The following ENPP1 variants were observed in gnomAD, a reference collection of about 807,000 sequenced individuals.
ENPP1 encodes ectonucleotide pyrophosphatase/phosphodiesterase 1, also known as ectonucleotide pyrophosphatase/phosphodiesterase family member 1.
Under a neutral mutation model 122.8 loss-of-function variants are expected in ENPP1, and 73 were observed. The ratio of observed to expected loss-of-function variants is 0.59; its 90% CI spans 0.49 to 0.72. The LOEUF (loss-of-function observed/expected upper bound fraction) is 0.72. ENPP1 is among the 30% of genes least tolerant of loss of function. ENPP1 has a pLI of 0.00. For missense variants in ENPP1, 978 were observed against 1,128.1 expected, an observed-to-expected ratio of 0.87 and a Z score of 1.91; for synonymous variants, 367 against 391.6, an observed-to-expected ratio of 0.94 and a Z score of 0.74.
rs1442556311 is a variant in ENPP1, at chr6:131,894,789, G to A, written c.*4278G>A. On this transcript the variant is annotated 3_prime_UTR_variant, in exon 25 of 25. Transcript: ENST00000647893. ...CCTGTTGGCTGTTCCTGTTTAAGGAGACAAGATGGGCATGGAACAGGGACC... is the reference window on the plus strand; with the variant it reads ...CCTGTTGGCTGTTCCTGTTTAAGGAAACAAGATGGGCATGGAACAGGGACC... The A allele has an allele frequency of 6.6e-6, 1 of 152,284 alleles. No individual in the cohort carries two copies. The highest frequency in any genetic ancestry group is 1.5e-5 in the Non-Finnish European group (1 of 68,112). 9.4% of individuals were successfully genotyped at this position (152,284 alleles called of 1,614,324 possible).
intron 24 of ENPP1, among the ~76,000 whole-genome samples, chr6:131,887,798 C>G (rs1782404373): frequency 1.3e-5 from 2 of 148,298 alleles, no homozygotes; most frequent in South Asian, 4.2e-4. Context: ...ATCTCCTGAC[C>G]TTGTGATCCA....
chr6:131,865,966 A>G (rs565716926), intron 11 of ENPP1, among the ~76,000 whole-genome samples: 62 of 151,656 alleles, frequency 4.1e-4, no homozygotes, highest in African/African-American at 1.5e-3. Flanking sequence ...ACTGTACTCC[A>G]GCCTGGGCAC....
chr6:131,826,935 A>T, intron 1 of ENPP1: 1 of 399,584 alleles, frequency 2.5e-6, no homozygotes, highest in Non-Finnish European at 4.7e-6. Context: ...TTCCCATTTC[A>T]GGATGCTTCA....
chr6:131,836,422 G>T (rs1370023508), intron 1 of ENPP1, among the ~76,000 whole-genome samples: 1 of 151,956 alleles, frequency 6.6e-6, no homozygotes, highest in Admixed American at 6.6e-5. Flanking sequence ...CCGAGTGTGT[G>T]TGTGTGTGTG....
intron 1 of ENPP1, chr6:131,826,921 A>AT: frequency 2.6e-6 from 1 of 391,776 alleles, no homozygotes; most frequent in Non-Finnish European, 4.8e-6. Context: ...CCAGCATGGG[A>AT]TTTTTCCCAT....
intron 1 of ENPP1, among the ~76,000 whole-genome samples, chr6:131,814,172 C>G (rs367896719): frequency 7.0e-4 from 107 of 152,264 alleles, no homozygotes; most frequent in African/African-American, 2.5e-3. Flanking sequence ...TCTGGCGGAG[C>G]ATAGAGGCTA....
At chr6:131,880,132 C>G in intron 20 of ENPP1, 98 bp downstream of exon 20, 2 of 1,242,198 alleles carry the variant, frequency 1.6e-6, no homozygotes, top group East Asian at 4.6e-5. Flanking sequence ...TGGCTTTATA[C>G]TCAGTTCCCG....
chr6:131,878,657 G>T, intron 19 of ENPP1, 64 bp downstream of exon 19: 1 of 1,182,018 alleles, frequency 8.5e-7, no homozygotes. Flanking sequence ...AGTGTGAAAT[G>T]CAGAGAACTG....
chr6:131,858,173 A>G (rs1372031392), intron 6 of ENPP1, among the ~76,000 whole-genome samples: 2 of 152,180 alleles, frequency 1.3e-5, no homozygotes, highest in Non-Finnish European at 2.9e-5. Context: ...GGACTTCTGC[A>G]CTTTCTTGGA....
intron 1 of ENPP1, among the ~76,000 whole-genome samples, chr6:131,809,842 G>C (rs1194671660): frequency 6.6e-6 from 1 of 152,152 alleles, no homozygotes; most frequent in Non-Finnish European, 1.5e-5. Flanking sequence ...TTTGGAATAA[G>C]CTGTCCAGTC....
intron 1 of ENPP1, among the ~76,000 whole-genome samples, chr6:131,814,287 A>C (rs913547725): frequency 6.6e-6 from 1 of 152,152 alleles, no homozygotes; most frequent in Non-Finnish European, 1.5e-5. Flanking sequence ...TCTCCACAAC[A>C]TGTGGTAGGA....
intron 1 of ENPP1, chr6:131,828,364 G>C: frequency 2.5e-6 from 1 of 407,658 alleles, no homozygotes. Flanking sequence ...GATGTGATAA[G>C]ATGACTGGGT....
chr6:131,879,986 C>G lies in ENPP1; in HGVS notation c.2052C>G (p.Ser684Arg). 2 of 1,614,018 alleles carry G rather than the reference C, an allele frequency of 1.2e-6. No individual in the cohort carries two copies. Among genetic ancestry groups the G allele is most frequent in the African/African-American group, 2.7e-5 (2 of 75,034 alleles). ...LSQHQFMSGY[S>R]QDILMPLWTS... ...AGCACCAGTTTATGAGTGGATACAG[C>G]CAAGACATCTTAATGCCCCTTTGGA... The change falls in exon 20 of 25, where the codon AGC (serine) becomes AGG (arginine). Residue 684 changes from serine to arginine, a missense_variant. Coordinates refer to ENST00000647893, the MANE Select transcript of ENPP1 (RefSeq NM_006208.3).
At chr6:131,812,715 T>TA (rs1465007169) in intron 1 of ENPP1, among the ~76,000 whole-genome samples, 2 of 152,232 alleles carry the variant, frequency 1.3e-5, no homozygotes, top group Non-Finnish European at 2.9e-5. Context: ...TGTGTGTTTT[T>TA]ATATATTTCA....
intron 2 of ENPP1, among the ~76,000 whole-genome samples, chr6:131,848,303 T>C (rs1001205515): frequency 1.3e-5 from 2 of 152,188 alleles, no homozygotes; most frequent in Non-Finnish European, 2.9e-5. Flanking sequence ...TAGATATATT[T>C]TTCTTTCCAT....
intron 6 of ENPP1, among the ~76,000 whole-genome samples, chr6:131,856,232 T>C: frequency 6.6e-6 from 1 of 152,206 alleles, no homozygotes; most frequent in East Asian, 1.9e-4. Flanking sequence ...CAGCCCTTTG[T>C]TGGCCAGTGA....
intron 3 of ENPP1, 84 bp downstream of exon 3, chr6:131,850,190 T>TA: frequency 1.0e-6 from 1 of 957,244 alleles, no homozygotes; most frequent in South Asian, 1.3e-5. Context: ...GTATGTGATT[T>TA]ACCTAATTCA....
intron 14 of ENPP1, 93 bp from the exon 15 acceptor site, chr6:131,872,829 TA>T: frequency 8.1e-7 from 1 of 1,231,650 alleles, no homozygotes. Flanking sequence ...ATTAGGGAAA[TA>T]TCTTTCCCTA....
intron 12 of ENPP1, 70 bp from the exon 13 acceptor site, chr6:131,869,288 A>T: frequency 6.8e-7 from 1 of 1,479,050 alleles, no homozygotes; most frequent in Non-Finnish European, 9.4e-7. Context: ...GAAGTGAAAG[A>T]AGTTCTGCTC....
Sources: gnomAD v4.1 joint callset for allele counts (sites outside exome capture counted in the v4.1 genomes callset) on GRCh38, gnomAD v4.1.1 for gene constraint, MANE v1.5 for transcripts, NCBI Gene and HGNC (gene_info 2026-07-23, HGNC 2026-07-21) for gene names.